Variants in DOCK3 observed in about 807,000 individuals in gnomAD.
DOCK3 encodes dedicator of cytokinesis 3, also known as dedicator of cytokinesis protein 3.
Under a neutral mutation model 265.6 loss-of-function variants are expected in DOCK3, and 60 were observed. The observed-to-expected ratio is 0.23, with a 90% CI of 0.18 to 0.28. The LOEUF (loss-of-function observed/expected upper bound fraction) is 0.28, where lower values mean the gene tolerates loss of function less well. Ranked by LOEUF, DOCK3 falls within the 10% of genes least tolerant of loss-of-function variation. DOCK3 has a pLI of 1.00. For synonymous variants in DOCK3, 881 were observed against 938.0 expected, an observed-to-expected ratio of 0.94 and a Z score of 1.11; for missense variants, 1,981 against 2,594.3, an observed-to-expected ratio of 0.76 and a Z score of 5.14.
intron 23 of DOCK3, among the ~76,000 whole-genome samples, chr3:51,265,866 A>G (rs554398286): frequency 2.6e-5 from 4 of 152,312 alleles, no homozygotes; most frequent in South Asian, 2.1e-4. Context: ...GCAAGAGAAA[A>G]AAATAAAGGG....
rs1321597955 is a variant in DOCK3 at position 51,346,220 on chromosome 3, A to T, written c.3916-2632A>T. ...GTTTGTTACATATGTATACTGTGCC[A>T]TGTTGGTGTGCTGCACCTGTTAACT... On this transcript the variant is annotated intron_variant, in intron 38 of 52. Transcript: ENST00000266037. Among the ~76,000 whole-genome samples, 3 of 152,252 alleles carry T rather than the reference A, an allele frequency of 2.0e-5. No homozygotes were observed. In the East Asian group the frequency reaches 5.8e-4, roughly 29 times the overall value.
chr3:50,818,190 T>A (rs2044200284), intron 2 of DOCK3, among the ~76,000 whole-genome samples: 1 of 152,236 alleles, frequency 6.6e-6, no homozygotes, highest in Non-Finnish European at 1.5e-5. Flanking sequence ...CTGGGCAGAA[T>A]AGAGGAAGAA....
At chr3:51,080,902 AT>A (rs759775181) in intron 7 of DOCK3, among the ~76,000 whole-genome samples, 407 of 140,680 alleles carry the variant, frequency 2.9e-3, no homozygotes, top group Admixed American at 2.8e-3. Context: ...GAATGCTTGA[AT>A]TTTTTTTTTT....
rs187496141 is a variant in DOCK3 at position 51,116,177 on chromosome 3, C to T, written c.746+25793C>T. Among the ~76,000 whole-genome samples the T allele has an allele frequency of 1.1e-4, 17 of 151,962 alleles. No individual in the cohort carries two copies. The East Asian group carries it at 1.4e-3, about 12-fold the overall frequency. On this transcript the variant is annotated intron_variant, in intron 9 of 52. Transcript: ENST00000266037. ...TTAAAGTAGTTTTTTCTAGGCCAGA[C>T]GTGGTGGCTCATGCCTGTAATCCTA...
chr3:50,875,387 A>G (rs945744451), intron 3 of DOCK3, among the ~76,000 whole-genome samples: 8 of 152,098 alleles, frequency 5.3e-5, no homozygotes, highest in African/African-American at 1.9e-4. Flanking sequence ...ATCTCTTTGG[A>G]AAGACTTTCA....
intron 6 of DOCK3, among the ~76,000 whole-genome samples, chr3:51,069,953 G>A (rs148684233): frequency 1.8e-4 from 27 of 152,318 alleles, no homozygotes; most frequent in Middle Eastern, 3.4e-3. Flanking sequence ...ACAGTTAACG[G>A]TTCTTCCCGT....
intron 27 of DOCK3, among the ~76,000 whole-genome samples, chr3:51,282,041 A>G (rs1576642756): frequency 1.3e-5 from 2 of 152,116 alleles, no homozygotes; most frequent in Non-Finnish European, 2.9e-5. Context: ...TGATGCATTC[A>G]CCCTACTGCT....
intron 21 of DOCK3, among the ~76,000 whole-genome samples, chr3:51,239,421 G>C (rs575319040): frequency 6.6e-6 from 1 of 151,830 alleles, no homozygotes; most frequent in Non-Finnish European, 1.5e-5. Flanking sequence ...TGTTGGCCAG[G>C]CTGGTCTCCA....
At chr3:50,845,723 A>G (rs1166937328) in intron 3 of DOCK3, among the ~76,000 whole-genome samples, 1 of 152,148 alleles carries the variant, frequency 6.6e-6, no homozygotes, top group East Asian at 1.9e-4. Context: ...CAAAAGGTAA[A>G]TATTGAAGAT....
intron 6 of DOCK3, among the ~76,000 whole-genome samples, chr3:51,071,025 A>G (rs994502610): frequency 5.9e-5 from 9 of 152,220 alleles, no homozygotes; most frequent in Non-Finnish European, 1.2e-4. Flanking sequence ...AAGATTGGGG[A>G]CCACTGCCTT....
intron 1 of DOCK3, among the ~76,000 whole-genome samples, chr3:50,678,505 T>G (rs1045900393): frequency 1.3e-5 from 2 of 152,228 alleles, no homozygotes; most frequent in Non-Finnish European, 2.9e-5. Context: ...CAACAGTTTT[T>G]AAAACAAAAA....
Position 50,921,660 on chromosome 3 carries a change from G to T in DOCK3, c.219-12321G>T, listed in dbSNP as rs944892802. ...GATTTTTAGAATTTTCAGCTTTTCTGCTCTGGTTTCTTCCCATCTTGGTGG... is the reference window on the plus strand; with the variant it reads ...GATTTTTAGAATTTTCAGCTTTTCTTCTCTGGTTTCTTCCCATCTTGGTGG... On this transcript the variant is annotated intron_variant, in intron 4 of 52. Transcript: ENST00000266037. 3.9e-5 allele frequency among the ~76,000 whole-genome samples: 6 copies of T among 151,996 alleles called. No homozygotes were observed. In the South Asian group the frequency reaches 8.3e-4, roughly 21 times the overall value.
chr3:51,083,800 T>G (rs1056686968), intron 7 of DOCK3, among the ~76,000 whole-genome samples: 1 of 152,070 alleles, frequency 6.6e-6, no homozygotes, highest in Non-Finnish European at 1.5e-5. Flanking sequence ...CTGACCAACA[T>G]GGTGAAACCT....
chr3:51,061,902 C>A (rs1047594823), intron 5 of DOCK3, among the ~76,000 whole-genome samples: 1 of 152,070 alleles, frequency 6.6e-6, no homozygotes, highest in African/African-American at 2.4e-5. Context: ...ACTTAGTTTC[C>A]TTCTTCCAGG....
chr3:50,765,072 G>GTTTT (rs34672189), intron 1 of DOCK3, among the ~76,000 whole-genome samples: 2 of 47,432 alleles, frequency 4.2e-5, no homozygotes, highest in African/African-American at 1.7e-4. Flanking sequence ...ACTTTCTTAG[G>GTTTT]TTTTTTTTTT....
intron 32 of DOCK3, among the ~76,000 whole-genome samples, chr3:51,322,901 G>A (rs935302299): frequency 9.3e-5 from 14 of 151,008 alleles, no homozygotes; most frequent in Non-Finnish European, 2.9e-5. Flanking sequence ...CTGTATTCAA[G>A]AGACCCATCT....
At chr3:50,832,921 A>G (rs1438627676) in intron 2 of DOCK3, among the ~76,000 whole-genome samples, 8 of 152,214 alleles carry the variant, frequency 5.3e-5, no homozygotes, top group East Asian at 1.9e-4. Flanking sequence ...TGGAAGATTA[A>G]TAAGTCTTCA....
chr3:51,217,238 T>TATAG (rs1382205152), intron 14 of DOCK3, among the ~76,000 whole-genome samples: 3 of 152,058 alleles, frequency 2.0e-5, no homozygotes, highest in Non-Finnish European at 2.9e-5. Flanking sequence ...AGACAGGCTC[T>TATAG]AGCCACACCA....
chr3:51,063,197 A>G (rs1201431353), intron 5 of DOCK3, among the ~76,000 whole-genome samples: 1 of 151,550 alleles, frequency 6.6e-6, no homozygotes, highest in African/African-American at 2.4e-5. Flanking sequence ...AGCCTGGGCA[A>G]CATATCAAGA....
Sources: allele counts gnomAD v4.1 joint callset (sites outside exome capture counted in the v4.1 genomes callset), GRCh38; gene constraint gnomAD v4.1.1; transcripts MANE v1.5; gene names NCBI Gene and HGNC (gene_info 2026-07-23, HGNC 2026-07-21).